The following CEP128 variants were observed in gnomAD, a reference collection of about 807,000 sequenced individuals.
The protein encoded by CEP128 is centrosomal protein 128kDa.
In CEP128, 132 loss-of-function variants were observed where a neutral mutation model predicts 156.7. The ratio of observed to expected loss-of-function variants is 0.84; its 90% confidence interval spans 0.73 to 0.97. The LOEUF is 0.97. CEP128 is among the 50% of genes least tolerant of loss of function. The pLI is 0.00. For missense variants in CEP128, 1,252 were observed against 1,281.9 expected (o/e 0.98, Z 0.36); for synonymous variants, 469 against 448.9 (o/e 1.04, Z -0.57).
intron 2 of CEP128, among the ~76,000 whole-genome samples, chr14:80,930,073 T>C (rs1885372909): frequency 6.6e-6 from 1 of 152,190 alleles, no homozygotes; most frequent in Non-Finnish European, 1.5e-5. Context: ...CTGTGAACTG[T>C]ACATGCAAGG....
At chr14:80,656,363 A>G (rs1895174500) in intron 19 of CEP128, among the ~76,000 whole-genome samples, 1 of 120,778 alleles carries the variant, frequency 8.3e-6, no homozygotes, top group African/African-American at 3.1e-5. Context: ...AAAACAACTA[A>G]TTCAAGCGAC....
chr14:80,794,557 CTTGA>C (rs1186563068), intron 13 of CEP128, among the ~76,000 whole-genome samples: 6 of 152,098 alleles, frequency 3.9e-5, no homozygotes, highest in African/African-American at 1.2e-4. Context: ...TAGAAATCAA[CTTGA>C]TTAACAAGCA....
chr14:80,919,484 AC>A (rs1379965068), intron 2 of CEP128, among the ~76,000 whole-genome samples: 2 of 151,992 alleles, frequency 1.3e-5, no homozygotes, highest in Non-Finnish European at 2.9e-5. Flanking sequence ...CCCCTCCTTC[AC>A]CCAGTACTAC....
intron 19 of CEP128, among the ~76,000 whole-genome samples, chr14:80,704,916 CA>C (rs1897190420): frequency 6.6e-6 from 1 of 151,894 alleles, no homozygotes; most frequent in Non-Finnish European, 1.5e-5. Context: ...TACATTACTC[CA>C]ATCATCATCA....
intron 8 of CEP128, among the ~76,000 whole-genome samples, chr14:80,883,886 G>C (rs1888669297): frequency 6.6e-6 from 1 of 152,050 alleles, no homozygotes; most frequent in Non-Finnish European, 1.5e-5. Context: ...CAGAAACATA[G>C]ACCAATGAAA....
At chr14:80,851,472 T>C (rs959918675) in intron 9 of CEP128, among the ~76,000 whole-genome samples, 2 of 152,094 alleles carry the variant, frequency 1.3e-5, no homozygotes, top group Non-Finnish European at 2.9e-5. Flanking sequence ...AAGAATCCAA[T>C]GTAGCTGGAA....
chr14:80,920,809 A>G (rs888339895), intron 2 of CEP128, among the ~76,000 whole-genome samples: 1 of 152,168 alleles, frequency 6.6e-6, no homozygotes, highest in Non-Finnish European at 1.5e-5. Context: ...GGGAAGGAGC[A>G]CTCCTACACT....
intron 18 of CEP128, among the ~76,000 whole-genome samples, chr14:80,756,633 A>AT (rs1467340349): frequency 3.9e-5 from 6 of 152,170 alleles, no homozygotes; most frequent in Non-Finnish European, 8.8e-5. Context: ...ATGTTCACAT[A>AT]TATCTATAAT....
At chr14:80,887,353 T>C (rs531355431) in intron 8 of CEP128, among the ~76,000 whole-genome samples, 1 of 152,186 alleles carries the variant, frequency 6.6e-6, no homozygotes, top group Non-Finnish European at 1.5e-5. Context: ...TAGCACTTAT[T>C]ATAAAATTGA....
chr14:80,926,688 T>C (rs189916320), intron 2 of CEP128, among the ~76,000 whole-genome samples: 1 of 152,308 alleles, frequency 6.6e-6, no homozygotes, highest in East Asian at 1.9e-4. Flanking sequence ...CCACCACTGA[T>C]ACTGCAACTG....
chr14:80,694,667 C>A (rs1188285168), intron 19 of CEP128, among the ~76,000 whole-genome samples: 1 of 151,296 alleles, frequency 6.6e-6, no homozygotes, highest in Non-Finnish European at 1.5e-5. Flanking sequence ...CTAAACACTG[C>A]ATGTTCTCAC....
At chr14:80,833,969 T>C (rs1442443693) in intron 12 of CEP128, among the ~76,000 whole-genome samples, 1 of 152,116 alleles carries the variant, frequency 6.6e-6, no homozygotes, top group Non-Finnish European at 1.5e-5. Flanking sequence ...GAAAAACATG[T>C]TTTGAGGAGA....
At chr14:80,508,843 A>T (rs1888109541) in intron 23 of CEP128, among the ~76,000 whole-genome samples, 1 of 152,224 alleles carries the variant, frequency 6.6e-6, no homozygotes, top group East Asian at 1.9e-4. Context: ...AGGCATACAG[A>T]GTGCAATAAT....
intron 8 of CEP128, among the ~76,000 whole-genome samples, chr14:80,883,917 C>G (rs894838167): frequency 2.0e-5 from 3 of 152,080 alleles, no homozygotes; most frequent in Non-Finnish European, 2.9e-5. Flanking sequence ...AACCCAGAAG[C>G]ACATCCATAC....
intron 19 of CEP128, among the ~76,000 whole-genome samples, chr14:80,608,878 T>C (rs183903467): frequency 5.3e-5 from 8 of 152,336 alleles, no homozygotes; most frequent in Admixed American, 3.9e-4. Flanking sequence ...CTTATTTACC[T>C]GATCTCCCTC....
intron 2 of CEP128, among the ~76,000 whole-genome samples, chr14:80,930,954 T>C (rs995123683): frequency 2.6e-5 from 4 of 152,230 alleles, no homozygotes; most frequent in Admixed American, 2.0e-4. Flanking sequence ...CTCTTTTGGC[T>C]AGCACTATAA....
intron 19 of CEP128, among the ~76,000 whole-genome samples, chr14:80,619,653 G>A (rs193223144): frequency 0.015 from 2,217 of 147,670 alleles, 26 homozygotes; most frequent in Non-Finnish European, 0.024. Context: ...AGCGAGCTGA[G>A]ATCACACCAC....
chr14:80,625,096 T>C (rs2140683327), intron 19 of CEP128, among the ~76,000 whole-genome samples: 1 of 152,254 alleles, frequency 6.6e-6, no homozygotes, highest in Admixed American at 6.5e-5. Context: ...GTCAATATGT[T>C]TTGTATATGG....
intron 9 of CEP128, among the ~76,000 whole-genome samples, chr14:80,862,364 G>T (rs1887556451): frequency 6.6e-6 from 1 of 152,098 alleles, no homozygotes; most frequent in Non-Finnish European, 1.5e-5. Context: ...GATGACCCCT[G>T]GTCTAGTCTA....
Sources: allele counts gnomAD v4.1 joint callset (sites outside exome capture counted in the v4.1 genomes callset), GRCh38; gene constraint gnomAD v4.1.1; transcripts MANE v1.5; gene names NCBI Gene and HGNC (gene_info 2026-07-23, HGNC 2026-07-21).